The following FCRL2 variants were observed in gnomAD, a reference collection of about 807,000 sequenced individuals.
FCRL2 encodes Fc receptor like 2, also known as Fc receptor-like protein 2.
A neutral mutation model predicts 59.8 loss-of-function variants in FCRL2; 48 were observed. The observed-to-expected ratio is 0.80, with a 90% CI of 0.64 to 1.02. FCRL2 has a LOEUF of 1.02. Ranked by LOEUF, FCRL2 falls within the 50% of genes least tolerant of loss-of-function variation. The probability of loss-of-function intolerance (pLI) is 0.00; values close to 1 mark genes in which losing one functional copy is unlikely to be tolerated. For missense variants in FCRL2, 658 were observed against 597.3 expected (o/e 1.10, Z -1.06); for synonymous variants, 251 against 229.5 (o/e 1.09, Z -0.85).
chr1:157,768,962 A>G (rs941095773), intron 4 of FCRL2: 3 of 373,900 alleles, frequency 8.0e-6, no homozygotes, highest in African/African-American at 4.1e-5. Context: ...GAGACAGGAA[A>G]CTGTTCAATT....
chr1:157,768,364 T>G, intron 5 of FCRL2, 50 bp downstream of exon 5: 1 of 1,576,488 alleles, frequency 6.3e-7, no homozygotes, highest in Non-Finnish European at 8.6e-7. Context: ...ATGTGTATCA[T>G]GACCTTGGTC....
At position 157,768,670 on chromosome 1, in the gene FCRL2, G is replaced by C; in HGVS notation, c.627C>G (p.Ile209Met). ...CAGTCACCTGTCCCCCGGGGGCCCG[G>C]ATCTCCAAGCTTACATTAGAGATGG... ...RIPISNVSLEIRAPGGQVTEG... is the reference protein window; with the variant it reads ...RIPISNVSLEMRAPGGQVTEG... The change falls in exon 5 of 12, where the codon ATC (isoleucine) becomes ATG (methionine). Residue 209 changes from isoleucine (I) to methionine (M), a missense_variant. Transcript: ENST00000361516. The C allele has an allele frequency of 1.2e-6, 2 of 1,613,492 alleles. No individual in the cohort carries two copies.
At position 157,768,488 on chromosome 1, in the gene FCRL2, G is replaced by A. The variant is rs1191130189; in HGVS notation, c.809C>T (p.Ala270Val). 6.2e-7 allele frequency: 1 copy of A among 1,614,190 alleles called. No homozygotes were observed. Among genetic ancestry groups the A allele is most frequent in the Non-Finnish European group, 8.5e-7 (1 of 1,180,030 alleles). The change falls in exon 5 of 12, where the codon GCC becomes GTC. Residue 270 changes from alanine (A) to valine (V), a missense_variant. By Grantham distance (64) the Ala-to-Val change is moderately conservative (BLOSUM62 0). Coordinates refer to ENST00000361516, the MANE Select transcript of FCRL2 (RefSeq NM_030764.4). ...LEIPAVKESD[A>V]GKYYCRADNG... Reference sequence around the variant, plus strand: ...GTCAGCTCTACAGTAATATTTGCCGGCATCACTCTCTTTCACAGCTGGGAT... The same window carrying A: ...GTCAGCTCTACAGTAATATTTGCCGACATCACTCTCTTTCACAGCTGGGAT...
intron 7 of FCRL2, among the ~76,000 whole-genome samples, chr1:157,753,632 G>A (rs1648364954): frequency 6.6e-6 from 1 of 152,172 alleles, no homozygotes; most frequent in Non-Finnish European, 1.5e-5. Flanking sequence ...TTTTATAGCG[G>A]TCCCATTACA....
chr1:157,764,722 C>T (rs1649368891), intron 7 of FCRL2, among the ~76,000 whole-genome samples: 2 of 152,142 alleles, frequency 1.3e-5, no homozygotes, highest in Non-Finnish European at 2.9e-5. Context: ...TGCTAAACAA[C>T]CATTGGGTCA....
chr1:157,759,462 CT>C (rs1197762346), intron 7 of FCRL2, among the ~76,000 whole-genome samples: 2 of 152,118 alleles, frequency 1.3e-5, no homozygotes, highest in East Asian at 3.9e-4. Context: ...CCTAATTAAA[CT>C]AAAGAGCTTC....
chr1:157,777,032 A>G lies in FCRL2; in HGVS notation c.31+11T>C. The G allele has an allele frequency of 6.2e-7, 1 of 1,612,898 alleles. No homozygotes were observed. Among genetic ancestry groups the G allele is most frequent in the Non-Finnish European group, 8.5e-7 (1 of 1,178,860 alleles). On this transcript the variant is annotated intron_variant, in intron 1 of 11. Coordinates refer to ENST00000361516, the MANE Select transcript of FCRL2 (RefSeq NM_030764.4). ...TGCCACCTCACTTCTCAGTCAAATT[A>G]TTGAACTCACCAAAGATGACCAGCA...
At chr1:157,747,138 C>T (rs1216444037) in intron 10 of FCRL2, among the ~76,000 whole-genome samples, 1 of 152,184 alleles carries the variant, frequency 6.6e-6, no homozygotes, top group Admixed American at 6.5e-5. Context: ...ATGCAACTTC[C>T]CATAGGTCAT....
chr1:157,755,122 CA>C (rs1648488041), intron 7 of FCRL2, among the ~76,000 whole-genome samples: 1 of 152,058 alleles, frequency 6.6e-6, no homozygotes, highest in African/African-American at 2.4e-5. Context: ...GTAAGAATTT[CA>C]ATATGAAAGG....
At chr1:157,763,269 T>C (rs6683916) in intron 7 of FCRL2, among the ~76,000 whole-genome samples, 2,246 of 152,304 alleles carry the variant, frequency 0.015, 40 homozygotes, top group African/African-American at 0.043. Context: ...ATGCCTGTAA[T>C]CCCAGCACTT....
chr1:157,775,050 G>A (rs532679149), intron 2 of FCRL2, among the ~76,000 whole-genome samples: 1 of 152,144 alleles, frequency 6.6e-6, no homozygotes, highest in South Asian at 2.1e-4. Flanking sequence ...CACTCTTTAT[G>A]ATTAGAACAG....
At chr1:157,753,615 T>G (rs1648363604) in intron 7 of FCRL2, among the ~76,000 whole-genome samples, 1 of 152,178 alleles carries the variant, frequency 6.6e-6, no homozygotes, top group Admixed American at 6.5e-5. Flanking sequence ...ATCCCATTGT[T>G]TAGGATTTTT....
Position 157,758,773 on chromosome 1 carries a change from A to G in FCRL2, c.1279+8082T>C, listed in dbSNP as rs148890716. Among the ~76,000 whole-genome samples the G allele has an allele frequency of 4.9e-4, 75 of 152,178 alleles. No homozygotes were observed. In the East Asian group the frequency reaches 0.013, roughly 25 times the overall value. On this transcript the variant is annotated intron_variant, in intron 7 of 11. Transcript: ENST00000361516. ...GGCTACAATAACCAAATAAGAAATA[A>G]AGCCATACATCTACAACCATCTGAT... is the stretch of plus-strand genomic sequence containing the variant.
chr1:157,770,176 C>G, intron 3 of FCRL2, 26 bp from the exon 4 acceptor site: 1 of 1,602,758 alleles, frequency 6.2e-7, no homozygotes, highest in Non-Finnish European at 8.5e-7. Context: ...ACAATAGTCC[C>G]CAAAGCAGTG....
chr1:157,759,693 A>C (rs1488864588), intron 7 of FCRL2, among the ~76,000 whole-genome samples: 2 of 152,234 alleles, frequency 1.3e-5, no homozygotes, highest in East Asian at 3.8e-4. Flanking sequence ...TCATATGAAA[A>C]AGTGTTCAAT....
chr1:157,747,551 A>G (rs1011655150), intron 10 of FCRL2, among the ~76,000 whole-genome samples: 2 of 152,228 alleles, frequency 1.3e-5, no homozygotes, highest in African/African-American at 2.4e-5. Context: ...AGCAAGGCAG[A>G]CAGAGGACCC....
At chr1:157,771,835 T>G (rs1322878084) in intron 2 of FCRL2, among the ~76,000 whole-genome samples, 1 of 152,062 alleles carries the variant, frequency 6.6e-6, no homozygotes, top group Non-Finnish European at 1.5e-5. Context: ...CTGTCAGATG[T>G]GTAGTAGAAG....
At chr1:157,769,315 G>C (rs1177410432) in intron 4 of FCRL2, 2 of 156,896 alleles carry the variant, frequency 1.3e-5, no homozygotes, top group South Asian at 1.9e-4. Flanking sequence ...ATGGAGTCTT[G>C]ATCAATGAAT....
Position 157,746,461 on chromosome 1 carries a change from C to T in FCRL2, c.*275G>A. On this transcript the variant is annotated 3_prime_UTR_variant, in exon 12 of 12. Coordinates refer to ENST00000361516, the MANE Select transcript of FCRL2 (RefSeq NM_030764.4). ...ACCTTGTATCTCTTATTCATTCTTC[C>T]CTCAAATCTTTACACACTGATTGCT... 1 of 515,088 alleles carries T rather than the reference C, an allele frequency of 1.9e-6. No homozygotes were observed. The highest frequency in any genetic ancestry group is 3.5e-6 in the Non-Finnish European group (1 of 286,594). The allele number at this position is 515,088 out of a possible 1,614,324, so 31.9% of individuals were successfully genotyped here. A position where few individuals can be genotyped will look rare whatever the true frequency, so the allele number is the denominator to read the frequency against.
Sources: gnomAD v4.1 joint callset for allele counts (sites outside exome capture counted in the v4.1 genomes callset) on GRCh38, gnomAD v4.1.1 for gene constraint, MANE v1.5 for transcripts, NCBI Gene and HGNC (gene_info 2026-07-23, HGNC 2026-07-21) for gene names.